The following RSF1 variants were observed in gnomAD, a reference collection of about 807,000 sequenced individuals.
The protein encoded by RSF1 is HBV pX-associated protein 8.
Under a neutral mutation model 145.2 loss-of-function variants are expected in RSF1, and 13 were observed. That is an observed-to-expected ratio of 0.09 (90% CI 0.06 to 0.14). The LOEUF is 0.14. RSF1 is among the 10% of genes least tolerant of loss of function. The pLI, the probability that RSF1 is intolerant of heterozygous loss-of-function variation, is 1.00. For synonymous variants in RSF1, 577 were observed against 592.6 expected, an observed-to-expected ratio of 0.97 and a Z score of 0.38; for missense variants, 1,517 against 1,718.2, an observed-to-expected ratio of 0.88 and a Z score of 2.07.
At chr11:77,805,063 T>G (rs1948663824) in intron 1 of RSF1, among the ~76,000 whole-genome samples, 1 of 152,208 alleles carries the variant, frequency 6.6e-6, no homozygotes. Flanking sequence ...TCCCGTTTGT[T>G]TCTTTGTGGG....
chr11:77,746,502 A>G (rs1033440083), intron 3 of RSF1, among the ~76,000 whole-genome samples: 1 of 152,188 alleles, frequency 6.6e-6, no homozygotes, highest in African/African-American at 2.4e-5. Context: ...TGTTTTCACA[A>G]AGAATATTTT....
At chr11:77,686,408 C>CAAAAAAAGAAAAAAAAAAAAAAA (rs1960006403) in intron 9 of RSF1, among the ~76,000 whole-genome samples, 1 of 37,132 alleles carries the variant, frequency 2.7e-5, no homozygotes, top group Non-Finnish European at 4.7e-5. Context: ...GACCCTGTCT[C>CAAAAAAAGAAAAAAAAAAAAAAA]AAAAAAAAAA....
intron 1 of RSF1, among the ~76,000 whole-genome samples, chr11:77,779,985 T>C (rs1354807261): frequency 6.6e-6 from 1 of 152,202 alleles, no homozygotes; most frequent in Non-Finnish European, 1.5e-5. Flanking sequence ...AGATGTTGCT[T>C]CCTTTGGAAA....
chr11:77,758,140 G>GAAAAA (rs59962849), intron 2 of RSF1, among the ~76,000 whole-genome samples: 1 of 104,706 alleles, frequency 9.6e-6, no homozygotes. Flanking sequence ...AGTCTCAGAA[G>GAAAAA]AAAAAAAAAA....
At chr11:77,856,771 C>G in the RSF1 span, among the ~76,000 whole-genome samples, 1 of 152,138 alleles carries the variant, frequency 6.6e-6, no homozygotes, top group African/African-American at 2.4e-5. Context: ...GATACTGGCC[C>G]CATGATCCAT....
the RSF1 span, among the ~76,000 whole-genome samples, chr11:77,843,780 A>G: frequency 6.6e-6 from 1 of 152,172 alleles, no homozygotes. Context: ...CTGCCGATAA[A>G]GACATAACTG....
At chr11:77,749,861 G>A (rs1010416449) in intron 2 of RSF1, among the ~76,000 whole-genome samples, 11 of 152,102 alleles carry the variant, frequency 7.2e-5, no homozygotes, top group Admixed American at 3.9e-4. Flanking sequence ...AGATTCTCCT[G>A]CCTCAGCCTC....
chr11:77,815,859 G>A lies in RSF1; in HGVS notation c.187+4669C>T, dbSNP rs558194800. Reference sequence around the variant, plus strand: ...ATAAATGCTTGCTTACCTTCTTACCGGTGAGGTCTGTTTAAGAACTTAACA... The same window carrying A: ...ATAAATGCTTGCTTACCTTCTTACCAGTGAGGTCTGTTTAAGAACTTAACA... On this transcript the variant is annotated intron_variant, in intron 1 of 15. Coordinates refer to ENST00000308488, the MANE Select transcript of RSF1 (RefSeq NM_016578.4). Among the ~76,000 whole-genome samples, 14 of 152,092 alleles carry A rather than the reference G, an allele frequency of 9.2e-5. No homozygotes were observed. In the East Asian group the frequency reaches 2.1e-3, roughly 23 times the overall value.
At chr11:77,755,874 T>TA (rs1174818869) in intron 2 of RSF1, among the ~76,000 whole-genome samples, 1 of 152,106 alleles carries the variant, frequency 6.6e-6, no homozygotes, top group East Asian at 1.9e-4. Context: ...AAGAACTTAA[T>TA]AGCTGAGCTC....
chr11:77,751,010 T>C (rs1456997873), intron 2 of RSF1, among the ~76,000 whole-genome samples: 1 of 152,154 alleles, frequency 6.6e-6, no homozygotes, highest in East Asian at 1.9e-4. Context: ...TGGCCACCAG[T>C]CTACTGCCAT....
At chr11:77,771,092 G>T (rs1184817227) in intron 1 of RSF1, among the ~76,000 whole-genome samples, 1 of 152,092 alleles carries the variant, frequency 6.6e-6, no homozygotes, top group Non-Finnish European at 1.5e-5. Context: ...AGGAATAAGG[G>T]GGGAAGAAAG....
the RSF1 span, chr11:77,842,682 A>T: frequency 6.3e-7 from 1 of 1,598,054 alleles, no homozygotes; most frequent in Non-Finnish European, 8.5e-7. Context: ...GTGATTTCCA[A>T]CTTCCTAAGC....
intron 5 of RSF1, among the ~76,000 whole-genome samples, chr11:77,713,819 T>A (rs1960744496): frequency 6.6e-6 from 1 of 152,212 alleles, no homozygotes; most frequent in South Asian, 2.1e-4. Context: ...GTCCTACCAC[T>A]TATTATAGTG....
intron 1 of RSF1, among the ~76,000 whole-genome samples, chr11:77,789,565 G>A (rs962689505): frequency 5.3e-5 from 8 of 152,154 alleles, no homozygotes; most frequent in African/African-American, 1.9e-4. Context: ...AGACTGATCA[G>A]GAGCTGAGAT....
rs573710647 is a variant in RSF1 at position 77,789,457 on chromosome 11, G to C, written c.188-24768C>G. ...AGTGATGCATGGACTACTGCCGCCG[G>C]GGCTGAGGCACAAGCAAGGCACAGG... On this transcript the variant is annotated intron_variant, in intron 1 of 15. Transcript: ENST00000308488. Among the ~76,000 whole-genome samples the C allele has an allele frequency of 1.4e-3, 215 of 152,310 alleles. 1 individual carries two copies. The highest frequency in any genetic ancestry group is 4.9e-3 in the African/African-American group (205 of 41,564).
chr11:77,870,999 AG>A, the RSF1 span, among the ~76,000 whole-genome samples: 1 of 152,062 alleles, frequency 6.6e-6, no homozygotes, highest in Non-Finnish European at 1.5e-5. Flanking sequence ...CCTTACATCT[AG>A]GGCTTTATAT....
chr11:77,822,446 C>A (rs1948960061), upstream of RSF1, among the ~76,000 whole-genome samples: 1 of 142,730 alleles, frequency 7.0e-6, no homozygotes, highest in African/African-American at 2.6e-5. Context: ...GAATTTGAAG[C>A]AAGGTACAAC....
intron 4 of RSF1, chr11:77,734,731 T>C: frequency 6.8e-7 from 1 of 1,477,402 alleles, no homozygotes; most frequent in East Asian, 2.3e-5. Flanking sequence ...CTCCATCACA[T>C]TCAGCCCGCT....
At chr11:77,795,423 A>G (rs141484919) in intron 1 of RSF1, among the ~76,000 whole-genome samples, 1 of 152,210 alleles carries the variant, frequency 6.6e-6, no homozygotes, top group African/African-American at 2.4e-5. Flanking sequence ...AAACAGAGAG[A>G]CAGCTGTCAA....
Sources: allele counts gnomAD v4.1 joint callset (sites outside exome capture counted in the v4.1 genomes callset), GRCh38; gene constraint gnomAD v4.1.1; transcripts MANE v1.5; gene names NCBI Gene and HGNC (gene_info 2026-07-23, HGNC 2026-07-21).